Variants in INTS2 observed in about 807,000 individuals in gnomAD.
The protein encoded by INTS2 is KIAA1287.
In INTS2, 57 loss-of-function variants were observed where a neutral mutation model predicts 139.6. That is an observed-to-expected ratio of 0.41 (90% confidence interval 0.33 to 0.51). The LOEUF (loss-of-function observed/expected upper bound fraction) is 0.51. Ranked by LOEUF, INTS2 falls within the 20% of genes least tolerant of loss-of-function variation. The probability of loss-of-function intolerance (pLI) is 0.28; values close to 1 mark genes in which losing one functional copy is unlikely to be tolerated. For synonymous variants in INTS2, 473 were observed against 493.4 expected, an observed-to-expected ratio of 0.96 and a Z score of 0.55; for missense variants, 1,196 against 1,436.7, an observed-to-expected ratio of 0.83 and a Z score of 2.71.
intron 12 of INTS2, chr17:61,894,192 T>A (rs2079323925): frequency 5.4e-6 from 1 of 183,852 alleles, no homozygotes; most frequent in African/African-American, 2.3e-5. Flanking sequence ...CTCAATGACT[T>A]TGAAGAAGTC....
intron 2 of INTS2, among the ~76,000 whole-genome samples, chr17:61,925,461 C>T (rs1408505683): frequency 1.3e-5 from 2 of 151,922 alleles, no homozygotes; most frequent in Non-Finnish European, 2.9e-5. Flanking sequence ...CCTGTAGTCC[C>T]ATCTACTCGG....
Position 61,873,404 on chromosome 17 carries a change from G to C in INTS2, c.2583-944C>G, listed in dbSNP as rs1243621874. Among the ~76,000 whole-genome samples, 2 of 151,890 alleles carry C rather than the reference G, an allele frequency of 1.3e-5. No homozygotes were observed. Among genetic ancestry groups the C allele is most frequent in the Non-Finnish European group, 2.9e-5 (2 of 67,958 alleles). ...AAATAAGAACATTAACATGAAAAAA[G>C]GTTCACAAGTTGTTAAGTGAAAAAT... On this transcript the variant is annotated intron_variant, in intron 19 of 24. Transcript: ENST00000251334. The surrounding 1 kb of genome is among the most constrained non-coding windows in gnomAD (Gnocchi z 4.0).
intron 9 of INTS2, among the ~76,000 whole-genome samples, chr17:61,903,002 TA>T (rs1360199585): frequency 6.7e-6 from 1 of 150,294 alleles, no homozygotes; most frequent in Non-Finnish European, 1.5e-5. Context: ...CCGTCTCTAC[TA>T]AAAATACAAA....
In INTS2 at chr17:61,872,418, T is replaced by C. The variant is rs751826400; in HGVS notation, c.2625A>G (p.Gly875=). Residue 875 remains glycine, a synonymous_variant, in exon 20 of 25, where the codon GGA becomes GGG. Transcript: ENST00000251334. The surrounding 1 kb of genome is among the most constrained non-coding windows in gnomAD (Gnocchi z 4.8). The part of the protein sequence containing the change: ...LMDITLHMLN[G]YLLASKAYLS... ...GGTAGGCTTTAGATGCAAGAAGATATCCATTCAACATGTGTAGGGTAATAT... is the reference window on the plus strand; with the variant it reads ...GGTAGGCTTTAGATGCAAGAAGATACCCATTCAACATGTGTAGGGTAATAT... The C allele has an allele frequency of 6.2e-7, 1 of 1,610,846 alleles. No individual in the cohort carries two copies. Among genetic ancestry groups the C allele is most frequent in the South Asian group, 1.1e-5 (1 of 90,778 alleles).
intron 7 of INTS2, 100 bp from the exon 8 acceptor site, chr17:61,907,734 G>C (rs1195540959): frequency 2.2e-6 from 2 of 907,190 alleles, no homozygotes; most frequent in Non-Finnish European, 3.4e-6. Context: ...TTTCAAATTG[G>C]CCTATTTGAA....
rs941156959 is a variant in INTS2 at position 61,875,121 on chromosome 17, G to C, written c.2457-83C>G. The C allele has an allele frequency of 2.1e-6, 2 of 968,858 alleles. No individual in the cohort carries two copies. Among genetic ancestry groups the C allele is most frequent in the African/African-American group, 3.4e-5 (2 of 58,966 alleles). 60.0% of individuals were successfully genotyped at this position (968,858 alleles called of 1,614,324 possible). On this transcript the variant is annotated intron_variant, in intron 18 of 24. Coordinates refer to ENST00000251334, the MANE Select transcript of INTS2 (RefSeq NM_001351695.2). The surrounding 1 kb of genome is among the most constrained non-coding windows in gnomAD (Gnocchi z 4.6). ...CATCCAGTCCTTTCTATCTTAGAAA[G>C]TTATATTCAGTAAATAATTAGAAAA...
Position 61,927,932 on chromosome 17 carries a change from C to T in INTS2, c.-297G>A, listed in dbSNP as rs764764081. On this transcript the variant is annotated 5_prime_UTR_variant, in exon 1 of 25. Coordinates refer to ENST00000251334, the MANE Select transcript of INTS2 (RefSeq NM_001351695.2). ...GGAGACTTTTTCAACCTGCACCCAG[C>T]ACCTTCATTCATCCCCAGCGTCTGA... The T allele has an allele frequency of 6.2e-7, 1 of 1,614,010 alleles. No individual in the cohort carries two copies. Among genetic ancestry groups the T allele is most frequent in the Middle Eastern group, 1.6e-4 (1 of 6,062 alleles).
At chr17:61,901,748 G>C (rs931875617) in intron 9 of INTS2, among the ~76,000 whole-genome samples, 2 of 151,644 alleles carry the variant, frequency 1.3e-5, no homozygotes, top group African/African-American at 4.9e-5. Flanking sequence ...CCGCCACCAT[G>C]ACCGGCTAAT....
At chr17:61,883,722 A>C (rs371277026) in intron 16 of INTS2, among the ~76,000 whole-genome samples, 5 of 151,740 alleles carry the variant, frequency 3.3e-5, no homozygotes, top group African/African-American at 1.2e-4. Context: ...ACAGTACTCC[A>C]GCCTGTGAGA....
intron 4 of INTS2, among the ~76,000 whole-genome samples, chr17:61,919,781 T>C (rs1454993375): frequency 6.6e-6 from 1 of 152,092 alleles, no homozygotes; most frequent in Non-Finnish European, 1.5e-5. Context: ...CAGGCTACAG[T>C]GCAGTGGTGT....
intron 5 of INTS2, among the ~76,000 whole-genome samples, chr17:61,912,320 C>T (rs979851963): frequency 7.0e-6 from 1 of 142,516 alleles, no homozygotes; most frequent in African/African-American, 2.6e-5. Flanking sequence ...TTGAGGGCCA[C>T]GGACAGTGGC....
Position 61,867,794 on chromosome 17 carries a change from A to G in INTS2, c.3421+39T>C, listed in dbSNP as rs756962285. ...GAAAGGAATTTGGCCTTTTTGTTTG[A>G]GATATTAAGATAACCCTTGAAAATA... On this transcript the variant is annotated intron_variant, in intron 24 of 24. Transcript: ENST00000251334. The surrounding 1 kb of genome is among the most constrained non-coding windows in gnomAD (Gnocchi z 5.6). 27 of 1,559,982 alleles carry G rather than the reference A, an allele frequency of 1.7e-5. No individual in the cohort carries two copies. The highest frequency in any genetic ancestry group is 2.3e-5 in the Non-Finnish European group (27 of 1,155,442).
intron 5 of INTS2, among the ~76,000 whole-genome samples, chr17:61,914,227 A>G (rs1447720334): frequency 6.6e-6 from 1 of 152,206 alleles, no homozygotes; most frequent in Non-Finnish European, 1.5e-5. Context: ...ACATGGCTGT[A>G]TTATTCAGAC....
Position 61,919,439 on chromosome 17 carries a change from A to C in INTS2, c.610T>G (p.Cys204Gly). ...TCAGGAACATTGGCCACCAAGAGAC[A>C]CAAGAACCAGGCACCATTTCTAACA... ...LHVRNGAWFL[C>G]LLVANVPDSF... Residue 204 changes from cysteine (C) to glycine (G), a missense_variant, in exon 5 of 25, where the codon TGT becomes GGT. Coordinates refer to ENST00000251334, the MANE Select transcript of INTS2 (RefSeq NM_001351695.2). 1 of 1,600,506 alleles carries C rather than the reference A, an allele frequency of 6.2e-7. No homozygotes were observed. Among genetic ancestry groups the C allele is most frequent in the Non-Finnish European group, 8.5e-7 (1 of 1,172,102 alleles).
rs1049661773 is a variant in INTS2 at position 61,897,176 on chromosome 17, C to T, written c.1494+293G>A. On this transcript the variant is annotated intron_variant, in intron 11 of 24. Transcript: ENST00000251334. This position sits in a 1 kb window ranked among gnomAD's most constrained non-coding sequence, Gnocchi z 4.4. ...ATTTTTTTAAATCATCAAATATGTACGTCACTTTAAAGAAAGAACAGACAT... is the reference window on the plus strand; with the variant it reads ...ATTTTTTTAAATCATCAAATATGTATGTCACTTTAAAGAAAGAACAGACAT... Among the ~76,000 whole-genome samples the T allele has an allele frequency of 2.0e-5, 3 of 151,918 alleles. No individual in the cohort carries two copies. The highest frequency in any genetic ancestry group is 2.9e-5 in the Non-Finnish European group (2 of 67,966).
At chr17:61,910,452 G>C (rs1200920737) in intron 7 of INTS2, 1 of 151,526 alleles carries the variant, frequency 6.6e-6, no homozygotes, top group Non-Finnish European at 1.5e-5. Context: ...AAGTAGCCAA[G>C]TGTGGTGGTG....
Position 61,869,311 on chromosome 17 carries a change from T to G in INTS2, c.3100A>C (p.Ile1034Leu), listed in dbSNP as rs778012673. The G allele has an allele frequency of 1.2e-5, 20 of 1,606,964 alleles. No homozygotes were observed. Among genetic ancestry groups the G allele is most frequent in the Non-Finnish European group, 1.6e-5 (19 of 1,176,420 alleles). ...IPSMHICLDF[I>L]PELIAQPELE... ...TCTGGCTGTGCAATAAGCTCAGGTA[T>G]GAAATCTAGACAGATGTGCATAGAT... is the stretch of plus-strand genomic sequence containing the variant. Residue 1034 changes from isoleucine to leucine, a missense_variant, in exon 22 of 25, where the codon ATA (isoleucine) becomes CTA (leucine). Around this residue, in one of 3 missense-constraint regions of INTS2, gnomAD observed 1,129 missense variants for 1,341.9 expected, o/e 0.84. Transcript: ENST00000251334. This position sits in a 1 kb window ranked among gnomAD's most constrained non-coding sequence, Gnocchi z 5.4.
chr17:61,917,347 A>G (rs1398446222), intron 5 of INTS2, among the ~76,000 whole-genome samples: 1 of 152,194 alleles, frequency 6.6e-6, no homozygotes, highest in Non-Finnish European at 1.5e-5. Flanking sequence ...TGTTCATCCC[A>G]ATACTATTCA....
chr17:61,926,778 T>G lies in INTS2; in HGVS notation c.-18-116A>C, dbSNP rs1274849662. On this transcript the variant is annotated intron_variant, in intron 1 of 24. Transcript: ENST00000251334. ...CTTTAATAGGTCCCTATGTTGGCAA[T>G]GTTCCTGGCACAATCAAGACAAGGC... The G allele has an allele frequency of 1.4e-5, 11 of 789,112 alleles. No homozygotes were observed. The East Asian group carries it at 2.7e-4, about 19-fold the overall frequency. 48.9% of individuals were successfully genotyped at this position (789,112 alleles called of 1,614,324 possible). A position where few individuals can be genotyped will look rare whatever the true frequency, so the allele number is the denominator to read the frequency against.
Sources: gnomAD v4.1 joint callset for allele counts (sites outside exome capture counted in the v4.1 genomes callset) on GRCh38, gnomAD v4.1.1 for gene constraint, gnomAD v4.1.1 regional missense constraint, Gnocchi (gnomAD v3.1) non-coding constraint, MANE v1.5 for transcripts, NCBI Gene and HGNC (gene_info 2026-07-23, HGNC 2026-07-21) for gene names.